The following XG variants were observed in gnomAD, a reference collection of about 807,000 sequenced individuals.
XG encodes the protein Xg glycoprotein (Xg blood group).
XG carries 24 observed loss-of-function variants against 25.7 expected under a neutral mutation model. That is an observed-to-expected ratio of 0.93 (90% CI 0.68 to 1.31). The LOEUF is 1.31. Ranked by LOEUF, XG falls within the 40% of genes most tolerant of loss-of-function variation. The pLI is 0.00. For synonymous variants in XG, 77 were observed against 69.2 expected (o/e 1.11, Z -0.56); for missense variants, 181 against 187.6 (o/e 0.96, Z 0.21).
At chrX:2,755,978 C>T (rs1034326306) in intron 1 of XG, among the ~76,000 whole-genome samples, 36 of 152,272 alleles carry the variant, frequency 2.4e-4, no homozygotes, top group Admixed American at 8.5e-4. Context: ...AGCAAACCAC[C>T]ATGGCACATG....
At chrX:2,758,657 G>A (rs925075611) in intron 1 of XG, among the ~76,000 whole-genome samples, 6 of 152,222 alleles carry the variant, frequency 3.9e-5, no homozygotes, top group South Asian at 2.1e-4. Flanking sequence ...GAGGCTTTGC[G>A]TTGCCACACT....
chrX:2,752,994 C>T (rs1365776509), intron 1 of XG: 12 of 984,890 alleles, frequency 1.2e-5, no homozygotes, highest in Non-Finnish European at 1.3e-5. Flanking sequence ...ATTTGAACAA[C>T]GGTTGAGTAA....
chrX:2,793,204 A>G (rs1314630259), intron 5 of XG, among the ~76,000 whole-genome samples: 1 of 111,947 alleles, frequency 8.9e-6, no homozygotes, highest in Non-Finnish European at 1.9e-5. Context: ...CACACGTTTA[A>G]TAAACTCAAT....
At chrX:2,805,072 G>A (rs1264072698) in intron 7 of XG, among the ~76,000 whole-genome samples, 1 of 112,292 alleles carries the variant, frequency 8.9e-6, no homozygotes, top group African/African-American at 3.2e-5. Context: ...GGTGCCGGCT[G>A]GGATGCAAGC....
At chrX:2,765,309 C>G (rs2050657312) in intron 1 of XG, among the ~76,000 whole-genome samples, 2 of 150,950 alleles carry the variant, frequency 1.3e-5, no homozygotes, top group African/African-American at 4.9e-5. Flanking sequence ...AGAGATTGCG[C>G]CATTGCACTG....
Position 2,806,763 on chromosome X carries a change from T to C in XG, c.418+18T>C, listed in dbSNP as rs1242500201. ...TACTTATGGTAAAGGAATTATGTCTTACAGAATATGTGAGGCAAAACTGTC... is the reference window on the plus strand; with the variant it reads ...TACTTATGGTAAAGGAATTATGTCTCACAGAATATGTGAGGCAAAACTGTC... On this transcript the variant is annotated intron_variant, in intron 8 of 10. Coordinates refer to ENST00000644266, the MANE Select transcript of XG (RefSeq NM_001141919.2). The C allele has an allele frequency of 1.8e-6, 2 of 1,122,942 alleles. No individual in the cohort carries two copies. The highest frequency in any genetic ancestry group is 3.7e-5 in the African/African-American group (2 of 54,784). The allele number at this position is 1,122,942 out of a possible 1,213,427, so 92.5% of individuals were successfully genotyped here.
chrX:2,813,062 C>G, intron 10 of XG, among the ~76,000 whole-genome samples: 1 of 112,145 alleles, frequency 8.9e-6, no homozygotes, highest in South Asian at 3.7e-4. Context: ...GATGCCTGCC[C>G]CATTTATCTG....
At position 2,776,027 on chromosome X, in the gene XG, C is replaced by T. The variant is rs377459977; in HGVS notation, c.127+1288C>T. Reference sequence around the variant, plus strand: ...TCCCGGGGCCGGGCGCAGTGGCTCACGCCTGTAATCCCAGCACTTTGGGAG... The same window carrying T: ...TCCCGGGGCCGGGCGCAGTGGCTCATGCCTGTAATCCCAGCACTTTGGGAG... On this transcript the variant is annotated intron_variant, in intron 3 of 10. Coordinates refer to ENST00000644266, the MANE Select transcript of XG (RefSeq NM_001141919.2). Among the ~76,000 whole-genome samples the T allele has an allele frequency of 4.1e-4, 62 of 151,616 alleles. No individual in the cohort carries two copies. In the East Asian group the frequency reaches 6.0e-3, roughly 15 times the overall value.
chrX:2,778,552 A>G (rs1158057648), intron 3 of XG, among the ~76,000 whole-genome samples: 1 of 151,532 alleles, frequency 6.6e-6, no homozygotes, highest in Non-Finnish European at 1.5e-5. Flanking sequence ...AAAAGAAAAG[A>G]AAAAAAAAGA....
At position 2,764,870 on chromosome X, in the gene XG, G is replaced by C. The variant is rs1162557542; in HGVS notation, c.62-5680G>C. Among the ~76,000 whole-genome samples the C allele has an allele frequency of 5.5e-5, 8 of 146,126 alleles. No homozygotes were observed. The Admixed American group carries it at 5.5e-4, about 10-fold the overall frequency. On this transcript the variant is annotated intron_variant, in intron 1 of 10. Coordinates refer to ENST00000644266, the MANE Select transcript of XG (RefSeq NM_001141919.2). ...ATCCTGGCCAACATGGTGAAACCCC[G>C]TCATTACTAAAAACACAAAAATTAC...
At chrX:2,756,575 G>C (rs1307209525) in intron 1 of XG, among the ~76,000 whole-genome samples, 1 of 149,004 alleles carries the variant, frequency 6.7e-6, no homozygotes. Context: ...ATGTACATCT[G>C]TTATGCATCA....
chrX:2,789,788 CT>C, intron 5 of XG, 82 bp downstream of exon 5: 1 of 359,528 alleles, frequency 2.8e-6, no homozygotes, highest in Non-Finnish European at 4.0e-6. Flanking sequence ...TGTTATTTTA[CT>C]TTATTTTACC....
At position 2,811,410 on chromosome X, in the gene XG, T is replaced by C; in HGVS notation, c.529T>C (p.Tyr177His). ...GACACTGCTGGGAGCAGCAGCCAGT[T>C]ATTTCAAACTAAACAATAGGAGAAA... ...VVTLLGAAASYFKLNNRRNCF... is the reference protein window; with the variant it reads ...VVTLLGAAASHFKLNNRRNCF... Residue 177 changes from tyrosine (Y) to histidine (H), a missense_variant, in exon 10 of 11, where the codon TAT becomes CAT. Tyr to His is a moderately conservative substitution (Grantham distance 83, BLOSUM62 2). Coordinates refer to ENST00000644266, the MANE Select transcript of XG (RefSeq NM_001141919.2). 1 of 1,205,916 alleles carries C rather than the reference T, an allele frequency of 8.3e-7. No homozygotes were observed. Among genetic ancestry groups the C allele is most frequent in the Non-Finnish European group, 1.1e-6 (1 of 892,536 alleles).
In XG at chrX:2,752,280, G is replaced by T. The variant is rs776594538; in HGVS notation, c.6G>T (p.Glu2Asp). M[E>D]SWWGLPCLAF... ...CTTGCATCCTGAAGCAAACCATGGA[G>T]AGCTGGTGGGGACTTCCCTGTCTTG... Residue 2 changes from glutamate (E) to aspartate (D), a missense_variant, in exon 1 of 11, where the codon GAG (glutamate) becomes GAT (aspartate). Transcript: ENST00000644266. 4.3e-6 allele frequency: 7 copies of T among 1,613,784 alleles called. No individual in the cohort carries two copies. The highest frequency in any genetic ancestry group is 4.0e-5 in the African/African-American group (3 of 74,938).
intron 6 of XG, among the ~76,000 whole-genome samples, chrX:2,795,649 T>C (rs1357826954): frequency 9.1e-6 from 1 of 110,428 alleles, no homozygotes; most frequent in Non-Finnish European, 1.9e-5. Flanking sequence ...TGTATATACA[T>C]ATCTTTTGTA....
intron 10 of XG, among the ~76,000 whole-genome samples, chrX:2,813,200 T>C (rs1455514335): frequency 9.1e-6 from 1 of 110,064 alleles, no homozygotes. Context: ...TCACCAGGTA[T>C]TCCCAAGCAC....
At chrX:2,807,848 A>C (rs2087017578) in intron 8 of XG, among the ~76,000 whole-genome samples, 3 of 110,935 alleles carry the variant, frequency 2.7e-5, no homozygotes, top group Non-Finnish European at 5.7e-5. Flanking sequence ...CTTGTGTATG[A>C]ATGGCGTGCG....
intron 1 of XG, among the ~76,000 whole-genome samples, chrX:2,754,197 C>T (rs1287822723): frequency 1.3e-5 from 2 of 152,058 alleles, no homozygotes; most frequent in African/African-American, 2.4e-5. Flanking sequence ...CCCAGGGGTT[C>T]GAACAAACCT....
chrX:2,759,550 G>A (rs906419199), intron 1 of XG, among the ~76,000 whole-genome samples: 2 of 152,186 alleles, frequency 1.3e-5, no homozygotes, highest in Non-Finnish European at 2.9e-5. Flanking sequence ...CAGAAGCTGA[G>A]CATTCCATAG....
Sources: allele counts gnomAD v4.1 joint callset (sites outside exome capture counted in the v4.1 genomes callset), GRCh38; gene constraint gnomAD v4.1.1; transcripts MANE v1.5; gene names NCBI Gene and HGNC (gene_info 2026-07-23, HGNC 2026-07-21).